PPP2R5A: variants seen among roughly 807,000 people sequenced by gnomAD.
The protein encoded by PPP2R5A is serine/threonine-protein phosphatase 2A 56 kDa regulatory subunit alpha isoform.
Under a neutral mutation model 64.2 loss-of-function variants are expected in PPP2R5A, and 25 were observed. The observed-to-expected ratio is 0.39, with a 90% CI of 0.28 to 0.54. The LOEUF (loss-of-function observed/expected upper bound fraction) is 0.54, where lower values mean the gene tolerates loss of function less well. Among genes scored for constraint, PPP2R5A ranks in the 20% least tolerant of loss-of-function variants. The pLI is 0.67. For synonymous variants in PPP2R5A, 198 were observed against 201.2 expected (o/e 0.98, Z 0.13); for missense variants, 425 against 576.3 (o/e 0.74, Z 2.69).
intron 1 of PPP2R5A, among the ~76,000 whole-genome samples, chr1:212,322,613 T>C (rs1320749855): frequency 6.6e-6 from 1 of 152,206 alleles, no homozygotes; most frequent in Non-Finnish European, 1.5e-5. Flanking sequence ...GCAGCTTCGC[T>C]TCTCTCATTT....
intron 1 of PPP2R5A, among the ~76,000 whole-genome samples, chr1:212,293,703 T>A (rs1014496673): frequency 1.3e-5 from 2 of 152,142 alleles, no homozygotes; most frequent in African/African-American, 2.4e-5. Flanking sequence ...AATTTTTTTT[T>A]TTTTGGTGGG....
intron 1 of PPP2R5A, among the ~76,000 whole-genome samples, chr1:212,306,579 G>GC (rs1039848515): frequency 1.3e-5 from 2 of 151,564 alleles, no homozygotes; most frequent in Non-Finnish European, 2.9e-5. Context: ...AGCCACTCCA[G>GC]CTTTCTTATG....
chr1:212,360,118 C>G (rs912644472), intron 12 of PPP2R5A, among the ~76,000 whole-genome samples: 13 of 151,982 alleles, frequency 8.6e-5, no homozygotes, highest in African/African-American at 3.1e-4. Flanking sequence ...TCATTTTGTT[C>G]TAGAGAAAGA....
intron 8 of PPP2R5A, among the ~76,000 whole-genome samples, chr1:212,352,548 C>T (rs1341084924): frequency 6.6e-6 from 1 of 151,924 alleles, no homozygotes; most frequent in East Asian, 1.9e-4. Context: ...CTCCCAGGCT[C>T]AGGTGATCCT....
At chr1:212,312,296 G>A (rs1317386583) in intron 1 of PPP2R5A, among the ~76,000 whole-genome samples, 1 of 152,200 alleles carries the variant, frequency 6.6e-6, no homozygotes, top group African/African-American at 2.4e-5. Context: ...TGATGAAACT[G>A]CCTGAGGATG....
intron 3 of PPP2R5A, among the ~76,000 whole-genome samples, chr1:212,337,035 C>T (rs1659602883): frequency 1.3e-5 from 2 of 151,954 alleles, no homozygotes; most frequent in African/African-American, 2.4e-5. Flanking sequence ...TATTCTTACA[C>T]TGTAATGGAA....
In PPP2R5A at chr1:212,356,608, ACTTTTT is replaced by A. The variant is rs754876053; in HGVS notation, c.928-10_928-5del. On this transcript the variant is annotated splice_polypyrimidine_tract_variant and intron_variant, in intron 8 of 12. Coordinates refer to ENST00000261461, the MANE Select transcript of PPP2R5A (RefSeq NM_006243.4). ...AGCTTTGTTATTAAATTCATGCTAA[ACTTTTT>A]CTTTTTCGCAGGTGATCAGAGGACT... The A allele has an allele frequency of 4.8e-5, 77 of 1,606,730 alleles. No individual in the cohort carries two copies. The highest frequency in any genetic ancestry group is 3.6e-4 in the East Asian group (16 of 44,804).
At chr1:212,322,219 G>GGGGAGAGGGAGA (rs371479193) in intron 1 of PPP2R5A, among the ~76,000 whole-genome samples, 3 of 117,672 alleles carry the variant, frequency 2.5e-5, no homozygotes, top group Non-Finnish European at 3.2e-5. Context: ...GGGAGACTGT[G>GGGGAGAGGGAGA]GGGAGAGGGA....
chr1:212,357,104 T>C (rs1237393406), intron 10 of PPP2R5A, 35 bp downstream of exon 10: 1 of 1,585,710 alleles, frequency 6.3e-7, no homozygotes, highest in South Asian at 1.2e-5. Context: ...TACTTTACAC[T>C]AGTATTTCTT....
At chr1:212,349,289 T>C in intron 8 of PPP2R5A, 47 bp downstream of exon 8, 1 of 1,419,614 alleles carries the variant, frequency 7.0e-7, no homozygotes, top group Non-Finnish European at 9.7e-7. Flanking sequence ...ATTAATAGCA[T>C]TTCATTGTAG....
At chr1:212,343,883 G>C (rs1044691507) in intron 4 of PPP2R5A, among the ~76,000 whole-genome samples, 1 of 152,178 alleles carries the variant, frequency 6.6e-6, no homozygotes, top group Non-Finnish European at 1.5e-5. Context: ...TGTGGTGTGA[G>C]GGGAGCAAAA....
At chr1:212,348,237 G>A in intron 6 of PPP2R5A, 152 bp from the exon 7 acceptor site, 2 of 582,964 alleles carry the variant, frequency 3.4e-6, no homozygotes, top group South Asian at 4.2e-5. Context: ...AGACTTCATA[G>A]TAATAGTCTT....
rs118170894 is a variant in PPP2R5A, at chr1:212,350,364, G to A, written c.927+1122G>A. ...ACATGAAACCACATAAACCTCTGAA[G>A]TTGATTCCCAGGTGTGCAGTGGCTC... On this transcript the variant is annotated intron_variant, in intron 8 of 12. Coordinates refer to ENST00000261461, the MANE Select transcript of PPP2R5A (RefSeq NM_006243.4). Among the ~76,000 whole-genome samples the A allele has an allele frequency of 1.3e-3, 196 of 152,268 alleles. 1 individual carries two copies. In the East Asian group the frequency reaches 0.021, roughly 16 times the overall value.
chr1:212,342,325 A>G (rs377603944), intron 4 of PPP2R5A, 45 bp downstream of exon 4: 2 of 1,585,464 alleles, frequency 1.3e-6, no homozygotes, highest in African/African-American at 2.7e-5. Context: ...TCATCTTAGC[A>G]ATGATTTATT....
chr1:212,302,083 A>G, intron 1 of PPP2R5A: 1 of 1,525,718 alleles, frequency 6.6e-7, no homozygotes, highest in Non-Finnish European at 8.8e-7. Flanking sequence ...GGAAGGCTTT[A>G]TGATAATGAG....
intron 1 of PPP2R5A, among the ~76,000 whole-genome samples, chr1:212,316,078 C>T (rs764672836): frequency 6.6e-6 from 1 of 152,164 alleles, no homozygotes; most frequent in Non-Finnish European, 1.5e-5. Flanking sequence ...TGAGACACAA[C>T]AAAATTGAGA....
intron 11 of PPP2R5A, 46 bp from the exon 12 acceptor site, chr1:212,358,640 T>A (rs778298044): frequency 2.9e-6 from 4 of 1,369,252 alleles, no homozygotes; most frequent in Admixed American, 1.8e-5. Context: ...ACATTTCCTC[T>A]CTGTTAGCAG....
At chr1:212,292,654 C>T (rs1658621852) in intron 1 of PPP2R5A, among the ~76,000 whole-genome samples, 1 of 152,268 alleles carries the variant, frequency 6.6e-6, no homozygotes, top group East Asian at 1.9e-4. Flanking sequence ...CTTACTGCAG[C>T]CTCAAACTTC....
intron 1 of PPP2R5A, among the ~76,000 whole-genome samples, chr1:212,321,971 C>T (rs1196644880): frequency 5.4e-5 from 8 of 148,836 alleles, no homozygotes; most frequent in African/African-American, 1.0e-4. Flanking sequence ...GGATCACTCG[C>T]GGTTAGGAGC....
Sources: gnomAD v4.1 joint callset for allele counts (sites outside exome capture counted in the v4.1 genomes callset) on GRCh38, gnomAD v4.1.1 for gene constraint, MANE v1.5 for transcripts, NCBI Gene and HGNC (gene_info 2026-07-23, HGNC 2026-07-21) for gene names.